Variants in THSD7A observed in about 807,000 individuals in gnomAD.
THSD7A encodes thrombospondin type-1 domain-containing protein 7A.
Under a neutral mutation model 231.3 loss-of-function variants are expected in THSD7A, and 96 were observed. That is an observed-to-expected ratio of 0.41 (90% CI 0.35 to 0.49). THSD7A has a LOEUF of 0.49. THSD7A is among the 20% of genes least tolerant of loss of function. The pLI is 0.05. For missense variants in THSD7A, 2,290 were observed against 2,070.2 expected (o/e 1.11, Z -2.06); for synonymous variants, 940 against 743.3 (o/e 1.26, Z -4.30).
chr7:11,524,573 AT>A (rs1562684438), intron 6 of THSD7A, among the ~76,000 whole-genome samples: 6 of 152,198 alleles, frequency 3.9e-5, no homozygotes, highest in Non-Finnish European at 7.4e-5. Context: ...TAGAGAGGTC[AT>A]TTAGCTGTGA....
chr7:11,711,368 C>A (rs539815919), intron 1 of THSD7A, among the ~76,000 whole-genome samples: 3 of 150,880 alleles, frequency 2.0e-5, no homozygotes, highest in Non-Finnish European at 4.5e-5. Flanking sequence ...TGTGTCAATG[C>A]CCCCAAGTTA....
chr7:11,522,087 C>T (rs1286332752), intron 6 of THSD7A, among the ~76,000 whole-genome samples: 2 of 152,000 alleles, frequency 1.3e-5, no homozygotes, highest in African/African-American at 4.8e-5. Context: ...AGAATTAGGA[C>T]CTGATAAAAA....
chr7:11,757,088 A>G (rs567571347), intron 1 of THSD7A, among the ~76,000 whole-genome samples: 1 of 152,062 alleles, frequency 6.6e-6, no homozygotes, highest in South Asian at 2.1e-4. Context: ...TGTGCTTAGT[A>G]AACATTTATT....
At chr7:11,569,508 T>C (rs1402889578) in intron 4 of THSD7A, among the ~76,000 whole-genome samples, 1 of 152,110 alleles carries the variant, frequency 6.6e-6, no homozygotes, top group Admixed American at 6.5e-5. Flanking sequence ...ATGGCTACTA[T>C]TAAATTGAGA....
At position 11,619,719 on chromosome 7, in the gene THSD7A, G is replaced by A. The variant is rs192612338; in HGVS notation, c.1022+16411C>T. ...TTACAGGCATAAACCACTGCAACCC[G>A]CCCAATTTACATACTTTTAAAATGA... is the stretch of plus-strand genomic sequence containing the variant. On this transcript the variant is annotated intron_variant, in intron 2 of 27. Coordinates refer to ENST00000423059, the MANE Select transcript of THSD7A (RefSeq NM_015204.3). 2.3e-3 allele frequency among the ~76,000 whole-genome samples: 351 copies of A among 152,034 alleles called. 3 individuals carry two copies. The highest frequency in any genetic ancestry group is 7.2e-3 in the African/African-American group (299 of 41,464).
chr7:11,630,632 G>A (rs983015786), intron 2 of THSD7A, among the ~76,000 whole-genome samples: 3 of 152,080 alleles, frequency 2.0e-5, no homozygotes, highest in African/African-American at 7.2e-5. Flanking sequence ...TATTCCCTCA[G>A]GAATTCACTG....
At chr7:11,447,527 T>C (rs1000184419) in intron 11 of THSD7A, 103 bp from the exon 12 acceptor site, 2 of 921,886 alleles carry the variant, frequency 2.2e-6, no homozygotes, top group Non-Finnish European at 3.1e-6. Context: ...AGAAAGCCTC[T>C]TGTAGTTCCT....
chr7:11,732,601 C>G (rs989336054), intron 1 of THSD7A, among the ~76,000 whole-genome samples: 3 of 151,772 alleles, frequency 2.0e-5, no homozygotes, highest in Non-Finnish European at 4.4e-5. Context: ...TTTACATATA[C>G]AGTGAAGAGT....
At chr7:11,796,054 ATATATATATATATATATATATATT>A (rs1562562093) in intron 1 of THSD7A, among the ~76,000 whole-genome samples, 1 of 44,266 alleles carries the variant, frequency 2.3e-5, no homozygotes, top group African/African-American at 7.8e-5. Flanking sequence ...ATATATATAT[ATATATATATATATATATATATATT>A]TGGATCAGTA....
chr7:11,516,154 AT>A (rs1788022153), intron 6 of THSD7A, among the ~76,000 whole-genome samples: 1 of 152,202 alleles, frequency 6.6e-6, no homozygotes, highest in Admixed American at 6.5e-5. Flanking sequence ...AAAACCTGTA[AT>A]AAAGTATAAT....
chr7:11,694,693 T>G (rs916475008), intron 1 of THSD7A, among the ~76,000 whole-genome samples: 7 of 151,532 alleles, frequency 4.6e-5, no homozygotes, highest in Non-Finnish European at 5.9e-5. Flanking sequence ...GGTTCACCTC[T>G]TGGATGAACA....
chr7:11,793,456 A>T (rs1784020854), intron 1 of THSD7A, among the ~76,000 whole-genome samples: 1 of 151,934 alleles, frequency 6.6e-6, no homozygotes, highest in Non-Finnish European at 1.5e-5. Context: ...AAAATAAATA[A>T]GCAAAAACTG....
intron 1 of THSD7A, among the ~76,000 whole-genome samples, chr7:11,774,820 C>T (rs560930609): frequency 1.3e-5 from 2 of 152,256 alleles, no homozygotes; most frequent in Non-Finnish European, 2.9e-5. Flanking sequence ...TTTGGGAGGA[C>T]GAGGTGGACA....
At chr7:11,577,645 T>G (rs1790974424) in intron 4 of THSD7A, among the ~76,000 whole-genome samples, 1 of 150,774 alleles carries the variant, frequency 6.6e-6, no homozygotes, top group Admixed American at 6.7e-5. Context: ...ATGTATCTAG[T>G]TGCTATAATT....
At chr7:11,786,013 C>G (rs867080210) in intron 1 of THSD7A, among the ~76,000 whole-genome samples, 4 of 152,020 alleles carry the variant, frequency 2.6e-5, no homozygotes, top group African/African-American at 9.7e-5. Flanking sequence ...TATGGAATAT[C>G]TCTGCATAAT....
chr7:11,818,923 G>T (rs758883661), intron 1 of THSD7A, among the ~76,000 whole-genome samples: 3 of 151,910 alleles, frequency 2.0e-5, no homozygotes, highest in Non-Finnish European at 4.4e-5. Context: ...CATTCTACCA[G>T]AACAATAAAA....
rs1160380154 is a variant in THSD7A at position 11,814,658 on chromosome 7, A to G, written c.190+17099T>C. Among the ~76,000 whole-genome samples the G allele has an allele frequency of 6.6e-6, 1 of 152,178 alleles. No individual in the cohort carries two copies. ...CAGTTCAAAACCAGTTCTCTTATAC[A>G]ATGAGCCAAGAGAACTAAAGAAATT... On this transcript the variant is annotated intron_variant, in intron 1 of 27. Coordinates refer to ENST00000423059, the MANE Select transcript of THSD7A (RefSeq NM_015204.3). The surrounding 1 kb of genome is among the most constrained non-coding windows in gnomAD (Gnocchi z 5.1).
intron 1 of THSD7A, among the ~76,000 whole-genome samples, chr7:11,696,758 G>A (rs1780414703): frequency 1.3e-5 from 2 of 151,392 alleles, no homozygotes; most frequent in Admixed American, 1.3e-4. Context: ...TGTCAAACCA[G>A]GGTGTTCCTG....
At chr7:11,524,896 T>C (rs1472594949) in intron 6 of THSD7A, among the ~76,000 whole-genome samples, 1 of 152,254 alleles carries the variant, frequency 6.6e-6, no homozygotes, top group Non-Finnish European at 1.5e-5. Flanking sequence ...CTTTTTGTTC[T>C]TTTTCCTGAA....
Sources: gnomAD v4.1 joint callset for allele counts (sites outside exome capture counted in the v4.1 genomes callset) on GRCh38, gnomAD v4.1.1 for gene constraint, Gnocchi (gnomAD v3.1) non-coding constraint, MANE v1.5 for transcripts, NCBI Gene and HGNC (gene_info 2026-07-23, HGNC 2026-07-21) for gene names.